The following ACER2 variants were observed in gnomAD, a reference collection of about 807,000 sequenced individuals.
The protein encoded by ACER2 is alkaline ceramidase 2.
In ACER2, 26 loss-of-function variants were observed where a neutral mutation model predicts 34.7. That is an observed-to-expected ratio of 0.75 (90% CI 0.55 to 1.04). The LOEUF is 1.04. ACER2 is among the 50% of genes least tolerant of loss of function. The pLI is 0.00. For missense variants in ACER2, 352 were observed against 340.8 expected (o/e 1.03, Z -0.26); for synonymous variants, 138 against 132.1 (o/e 1.04, Z -0.31).
chr9:19,413,859 C>T (rs2132456142), intron 1 of ACER2, among the ~76,000 whole-genome samples: 1 of 152,298 alleles, frequency 6.6e-6, no homozygotes, highest in Admixed American at 6.5e-5. Flanking sequence ...TCGTTATATG[C>T]CAAGTCCTAA....
Position 19,439,344 on chromosome 9 carries a change from C to CTTTTTTTTTTTTTTTTT in ACER2, c.503+4273_503+4274insTTTTTTTTTTTTTTTTT, listed in dbSNP as rs55690063. 1.9e-4 allele frequency among the ~76,000 whole-genome samples: 26 copies of CTTTTTTTTTTTTTTTTT among 138,746 alleles called. No homozygotes were observed. In the South Asian group the frequency reaches 1.9e-3, roughly 10 times the overall value. The allele number at this position is 138,746 out of a possible 152,430, so 91.0% of individuals were successfully genotyped here. ...GCTGCTCCCTCTCTAAAGGGGCTTG[C>CTTTTTTTTTTTTTTTTT]TTTTTTTTTTTTTGGAGACGTAGTC... On this transcript the variant is annotated intron_variant, in intron 4 of 5. Transcript: ENST00000340967.
At position 19,424,098 on chromosome 9, in the gene ACER2, CT is replaced by C. The variant is rs1312082034; in HGVS notation, c.223+124del. The C allele has an allele frequency of 1.7e-5, 16 of 943,268 alleles. No individual in the cohort carries two copies. In the African/African-American group the frequency reaches 2.2e-4, roughly 13 times the overall value. 58.4% of individuals were successfully genotyped at this position (943,268 alleles called of 1,614,324 possible). A position where few individuals can be genotyped will look rare whatever the true frequency, so the allele number is the denominator to read the frequency against. ...TTGTAAACTGAAGTCACTCTGAGGT[CT>C]TAGCAAACTTTTTTTTCCCACTTGC... On this transcript the variant is annotated intron_variant, in intron 2 of 5. Coordinates refer to ENST00000340967, the MANE Select transcript of ACER2 (RefSeq NM_001010887.3).
At chr9:19,445,067 T>C (rs1831308523) in intron 4 of ACER2, among the ~76,000 whole-genome samples, 1 of 152,222 alleles carries the variant, frequency 6.6e-6, no homozygotes, top group South Asian at 2.1e-4. Context: ...ATTGCAGATG[T>C]CGTGTTGTAT....
intron 1 of ACER2, chr9:19,409,652 C>A (rs1049947756): frequency 3.8e-6 from 3 of 788,948 alleles, no homozygotes; most frequent in Middle Eastern, 6.7e-4. Context: ...CGCAGGTCCC[C>A]GCGGCTGGGG....
chr9:19,413,052 A>G (rs1277172245), intron 1 of ACER2, among the ~76,000 whole-genome samples: 2 of 152,196 alleles, frequency 1.3e-5, no homozygotes, highest in Non-Finnish European at 2.9e-5. Context: ...GCTGATAATT[A>G]TTGTGAAATG....
intron 4 of ACER2, among the ~76,000 whole-genome samples, chr9:19,437,002 T>G (rs1031678712): frequency 3.3e-5 from 5 of 152,236 alleles, no homozygotes; most frequent in African/African-American, 1.2e-4. Context: ...CTTTCATACC[T>G]GACTGTTCCT....
At chr9:19,419,214 T>C (rs1483264130) in intron 1 of ACER2, among the ~76,000 whole-genome samples, 6 of 152,140 alleles carry the variant, frequency 3.9e-5, no homozygotes, top group Admixed American at 2.6e-4. Context: ...AAACAAAACC[T>C]ACTGCATATA....
At chr9:19,445,094 G>T (rs1431710182) in intron 4 of ACER2, among the ~76,000 whole-genome samples, 2 of 152,200 alleles carry the variant, frequency 1.3e-5, no homozygotes, top group African/African-American at 2.4e-5. Context: ...TCCCATAGGA[G>T]ATCTTGACTG....
intron 3 of ACER2, among the ~76,000 whole-genome samples, chr9:19,425,562 G>T (rs139952048): frequency 1.9e-3 from 297 of 152,314 alleles, no homozygotes; most frequent in African/African-American, 6.8e-3. Context: ...AAGTTGGGGA[G>T]ATTACAAATC....
At position 19,429,724 on chromosome 9, in the gene ACER2, A is replaced by T. The variant is rs374889950; in HGVS notation, c.365+4883A>T. Among the ~76,000 whole-genome samples, 114 of 152,276 alleles carry T rather than the reference A, an allele frequency of 7.5e-4. 2 individuals carry two copies. The South Asian group carries it at 0.022, about 30-fold the overall frequency. On this transcript the variant is annotated intron_variant, in intron 3 of 5. Transcript: ENST00000340967. ...CTTTATTTTTTGAATCTTGAATAGC[A>T]AGGGAGCAGTCTGGGATCTGCCCGC...
At chr9:19,420,979 A>G (rs1830387632) in intron 1 of ACER2, among the ~76,000 whole-genome samples, 1 of 152,172 alleles carries the variant, frequency 6.6e-6, no homozygotes, top group South Asian at 2.1e-4. Context: ...TCATTCTATA[A>G]CATTATAGAC....
intron 1 of ACER2, among the ~76,000 whole-genome samples, chr9:19,411,221 C>T (rs1830076321): frequency 6.6e-6 from 1 of 152,154 alleles, no homozygotes. Context: ...CTGATGAGCC[C>T]AGCTGGCCCA....
At chr9:19,416,020 G>A (rs1830230799) in intron 1 of ACER2, among the ~76,000 whole-genome samples, 1 of 151,076 alleles carries the variant, frequency 6.6e-6, no homozygotes, top group Non-Finnish European at 1.5e-5. Flanking sequence ...TGAGGACAGT[G>A]GTTATCTCTG....
intron 4 of ACER2, among the ~76,000 whole-genome samples, chr9:19,442,958 G>A (rs887427923): frequency 3.0e-4 from 46 of 151,512 alleles, no homozygotes; most frequent in Middle Eastern, 3.2e-3. Flanking sequence ...TCAGCCTCCC[G>A]AGTAGCTGGG....
At chr9:19,416,592 C>G (rs781744561) in intron 1 of ACER2, among the ~76,000 whole-genome samples, 15 of 150,100 alleles carry the variant, frequency 1.0e-4, no homozygotes, top group Non-Finnish European at 3.0e-5. Context: ...ATGGTGTGAT[C>G]TCGGCTTACT....
chr9:19,432,591 T>A (rs549888078), intron 3 of ACER2, among the ~76,000 whole-genome samples: 21 of 149,292 alleles, frequency 1.4e-4, no homozygotes, highest in African/African-American at 5.1e-4. Context: ...TATATATGAT[T>A]TATTAAATAT....
At chr9:19,423,748 A>C in intron 1 of ACER2, 114 bp from the exon 2 acceptor site, 1 of 777,222 alleles carries the variant, frequency 1.3e-6, no homozygotes, top group South Asian at 1.5e-5. Flanking sequence ...AGCTTAAACG[A>C]GATGTGTGAC....
chr9:19,411,919 T>C (rs1830097992), intron 1 of ACER2, among the ~76,000 whole-genome samples: 1 of 152,154 alleles, frequency 6.6e-6, no homozygotes, highest in African/African-American at 2.4e-5. Flanking sequence ...ATGGGTGCTA[T>C]TTATTATATC....
At position 19,446,450 on chromosome 9, in the gene ACER2, G is replaced by C; in HGVS notation, c.641+32G>C. On this transcript the variant is annotated intron_variant, in intron 5 of 5. Coordinates refer to ENST00000340967, the MANE Select transcript of ACER2 (RefSeq NM_001010887.3). ...CCCTGCTAATGGGGAGGTGGCCGGGGACAGGTGTGTTTGCACTTGCTGTTG... is the reference window on the plus strand; with the variant it reads ...CCCTGCTAATGGGGAGGTGGCCGGGCACAGGTGTGTTTGCACTTGCTGTTG... 3 of 1,613,724 alleles carry C rather than the reference G, an allele frequency of 1.9e-6. No individual in the cohort carries two copies. In the South Asian group the frequency reaches 3.3e-5, roughly 18 times the overall value.
Sources: gnomAD v4.1 joint callset for allele counts (sites outside exome capture counted in the v4.1 genomes callset) on GRCh38, gnomAD v4.1.1 for gene constraint, MANE v1.5 for transcripts, NCBI Gene and HGNC (gene_info 2026-07-23, HGNC 2026-07-21) for gene names.